The following GABRA3 variants were observed in gnomAD, a reference collection of about 807,000 sequenced individuals.
GABRA3 encodes the protein gamma-aminobutyric acid type A receptor subunit alpha3.
GABRA3 carries 10 observed loss-of-function variants against 30.1 expected under a neutral mutation model. That is an observed-to-expected ratio of 0.33 (90% CI 0.20 to 0.56). The LOEUF (loss-of-function observed/expected upper bound fraction) is 0.56. Ranked by LOEUF, GABRA3 falls within the 20% of genes least tolerant of loss-of-function variation. The pLI, the probability that GABRA3 is intolerant of heterozygous loss-of-function variation, is 0.89. For synonymous variants in GABRA3, 151 were observed against 146.8 expected, an observed-to-expected ratio of 1.03 and a Z score of -0.21; for missense variants, 233 against 392.0, an observed-to-expected ratio of 0.59 and a Z score of 3.42.
chrX:152,404,349 C>A (rs1274001919), intron 1 of GABRA3, among the ~76,000 whole-genome samples: 2 of 110,562 alleles, frequency 1.8e-5, no homozygotes, highest in Non-Finnish European at 3.8e-5. Flanking sequence ...GAGTTCCCTG[C>A]ATTTTCTTTT....
chrX:152,439,097 C>T (rs956799235), intron 1 of GABRA3, among the ~76,000 whole-genome samples: 2 of 105,989 alleles, frequency 1.9e-5, no homozygotes, highest in Non-Finnish European at 3.8e-5. Flanking sequence ...TTTGTAAATC[C>T]GAAACTGTTC....
In GABRA3 at chrX:152,381,972, C is replaced by T. The variant is rs766393494; in HGVS notation, c.-26-17376G>A. 4.5e-5 allele frequency among the ~76,000 whole-genome samples: 5 copies of T among 111,529 alleles called. No individual in the cohort carries two copies. The South Asian group carries it at 1.9e-3, about 42-fold the overall frequency. On this transcript the variant is annotated intron_variant, in intron 1 of 9. Coordinates refer to ENST00000370314, the MANE Select transcript of GABRA3 (RefSeq NM_000808.4). Reference sequence around the variant, plus strand: ...TCATTGATGGGCATTTGGGTTGGTTCCAAGTCTTTGCTAACATGAACAGTG... The same window carrying T: ...TCATTGATGGGCATTTGGGTTGGTTTCAAGTCTTTGCTAACATGAACAGTG...
At chrX:152,293,929 T>A (rs947033984) in intron 3 of GABRA3, among the ~76,000 whole-genome samples, 1 of 111,925 alleles carries the variant, frequency 8.9e-6, no homozygotes, top group Admixed American at 9.5e-5. Flanking sequence ...GAAAATTCTT[T>A]TCTTTAAGAA....
intron 5 of GABRA3, among the ~76,000 whole-genome samples, chrX:152,251,775 A>G (rs983032624): frequency 9.0e-6 from 1 of 110,568 alleles, no homozygotes; most frequent in Non-Finnish European, 1.9e-5. Context: ...CCTCTCTTCC[A>G]TCTATTCCTT....
chrX:152,186,414 C>T (rs968198930), intron 9 of GABRA3, among the ~76,000 whole-genome samples: 3 of 110,620 alleles, frequency 2.7e-5, no homozygotes, highest in African/African-American at 9.9e-5. Context: ...GTTGGCCAGG[C>T]TGGTCTTGAA....
chrX:152,288,273 G>A (rs1939333447), intron 3 of GABRA3, among the ~76,000 whole-genome samples: 1 of 111,578 alleles, frequency 9.0e-6, no homozygotes, highest in African/African-American at 3.3e-5. Context: ...GCTGTCTTGG[G>A]GCAAGGCACC....
chrX:152,272,122 G>A (rs140481385), intron 4 of GABRA3, among the ~76,000 whole-genome samples: 2 of 111,598 alleles, frequency 1.8e-5, no homozygotes, highest in South Asian at 3.8e-4. Context: ...TGTGAGAAGA[G>A]AGCCAGCATC....
At chrX:152,410,090 T>C (rs1245712775) in intron 1 of GABRA3, among the ~76,000 whole-genome samples, 1 of 112,196 alleles carries the variant, frequency 8.9e-6, no homozygotes, top group East Asian at 2.8e-4. Flanking sequence ...ACATTATTCA[T>C]TATGTTAAGT....
chrX:152,213,955 C>T (rs911704986), intron 6 of GABRA3, among the ~76,000 whole-genome samples: 1 of 110,596 alleles, frequency 9.0e-6, no homozygotes, highest in Non-Finnish European at 1.9e-5. Context: ...TTGGAGAGTA[C>T]AAGTGCAGTT....
intron 8 of GABRA3, among the ~76,000 whole-genome samples, chrX:152,190,871 A>AATATATAT (rs59438630): frequency 3.8e-5 from 4 of 105,051 alleles, no homozygotes; most frequent in African/African-American, 1.4e-4. Flanking sequence ...TATGCATGTG[A>AATATATAT]ATATATATAT....
At position 152,168,527 on chromosome X, in the gene GABRA3, T is replaced by C. The variant is rs1305503713; in HGVS notation, c.1180A>G (p.Thr394Ala). 2.5e-6 allele frequency: 3 copies of C among 1,210,128 alleles called. No individual in the cohort carries two copies. Among genetic ancestry groups the C allele is most frequent in the Admixed American group, 4.3e-5 (2 of 45,995 alleles). ...TPAAPAKKTS[T>A]TFNIVGTTYP... ...GTGGTCCCCACGATGTTGAAGGTAG[T>C]GCTGGTTTTCTTTGCTGGGGCTGCT... The change falls in exon 10 of 10, where the codon ACT (threonine) becomes GCT (alanine). Residue 394 changes from threonine (T) to alanine (A), a missense_variant. Thr to Ala is a moderately conservative substitution (Grantham distance 58, BLOSUM62 0). Transcript: ENST00000370314.
At chrX:152,443,554 G>T (rs1268318498) in intron 1 of GABRA3, among the ~76,000 whole-genome samples, 1 of 111,647 alleles carries the variant, frequency 9.0e-6, no homozygotes, top group East Asian at 2.8e-4. Context: ...GCGGATATAA[G>T]AGTGAACAAA....
intron 1 of GABRA3, among the ~76,000 whole-genome samples, chrX:152,380,702 T>C (rs908224127): frequency 2.3e-4 from 26 of 112,183 alleles, no homozygotes; most frequent in Non-Finnish European, 4.3e-4. Flanking sequence ...TAATTTACAT[T>C]CCCACCAACA....
At chrX:152,416,610 T>C (rs1456467139) in intron 1 of GABRA3, among the ~76,000 whole-genome samples, 1 of 110,831 alleles carries the variant, frequency 9.0e-6, no homozygotes, top group Non-Finnish European at 1.9e-5. Context: ...TCACACTACC[T>C]GACTTCAAAC....
chrX:152,414,434 T>C (rs1432466683), intron 1 of GABRA3, among the ~76,000 whole-genome samples: 2 of 111,228 alleles, frequency 1.8e-5, no homozygotes, highest in African/African-American at 6.5e-5. Context: ...TACGATAAGA[T>C]TCTCGGCATC....
chrX:152,189,379 G>T (rs1249656069), intron 9 of GABRA3, among the ~76,000 whole-genome samples: 1 of 111,883 alleles, frequency 8.9e-6, no homozygotes, highest in Non-Finnish European at 1.9e-5. Flanking sequence ...TGAATATACT[G>T]GGAAGAGGGG....
intron 5 of GABRA3, among the ~76,000 whole-genome samples, chrX:152,225,452 A>ACACACC (rs1937932594): frequency 9.3e-6 from 1 of 108,052 alleles, no homozygotes; most frequent in Admixed American, 1.0e-4. Flanking sequence ...ACACACACAC[A>ACACACC]CACACGAAAA....
At chrX:152,178,250 A>ATGTGTG (rs763383254) in intron 9 of GABRA3, among the ~76,000 whole-genome samples, 2 of 107,037 alleles carry the variant, frequency 1.9e-5, no homozygotes, top group African/African-American at 6.9e-5. Context: ...GTGTGCGTCT[A>ATGTGTG]TGTGTGTGTG....
chrX:152,282,159 G>A (rs756712027), intron 4 of GABRA3, among the ~76,000 whole-genome samples: 5 of 111,845 alleles, frequency 4.5e-5, no homozygotes, highest in African/African-American at 9.7e-5. Flanking sequence ...AAGTGGCAGC[G>A]TAATTTTCCC....
Sources: gnomAD v4.1 joint callset for allele counts (sites outside exome capture counted in the v4.1 genomes callset) on GRCh38, gnomAD v4.1.1 for gene constraint, MANE v1.5 for transcripts, NCBI Gene and HGNC (gene_info 2026-07-23, HGNC 2026-07-21) for gene names.